RBFOX1: variants seen among roughly 807,000 people sequenced by gnomAD.
The protein encoded by RBFOX1 is RNA binding protein fox-1 homolog 1.
In RBFOX1, 8 loss-of-function variants were observed where a neutral mutation model predicts 57.7. That is an observed-to-expected ratio of 0.14 (90% CI 0.08 to 0.25). RBFOX1 has a LOEUF of 0.25. Ranked by LOEUF, RBFOX1 falls within the 10% of genes least tolerant of loss-of-function variation. The pLI is 1.00. For synonymous variants in RBFOX1, 326 were observed against 222.4 expected, an observed-to-expected ratio of 1.47 and a Z score of -4.15; for missense variants, 611 against 548.5, an observed-to-expected ratio of 1.11 and a Z score of -1.14.
intron 2 of RBFOX1, among the ~76,000 whole-genome samples, chr16:5,528,218 G>A (rs570497135): frequency 6.6e-6 from 1 of 152,268 alleles, no homozygotes; most frequent in African/African-American, 2.4e-5. Context: ...ATGATCCACA[G>A]AGGCATTCCT....
chr16:6,991,123 A>G (rs1467429780), intron 3 of RBFOX1, among the ~76,000 whole-genome samples: 4 of 140,884 alleles, frequency 2.8e-5, no homozygotes, highest in Admixed American at 7.2e-5. Context: ...GCAACGTAAT[A>G]AAATTGTCTC....
At chr16:5,495,287 TTCCTC>T (rs1300147017) in intron 2 of RBFOX1, among the ~76,000 whole-genome samples, 1 of 152,226 alleles carries the variant, frequency 6.6e-6, no homozygotes, top group African/African-American at 2.4e-5. Context: ...ATACCAGTCT[TTCCTC>T]TAGAGTCTGC....
chr16:6,892,780 CTCTCTCTCTCT>C (rs2065807736), intron 3 of RBFOX1, among the ~76,000 whole-genome samples: 1 of 32,002 alleles, frequency 3.1e-5, no homozygotes, highest in East Asian at 8.0e-4. Flanking sequence ...GTCTCCCTCT[CTCTCTCTCTCT>C]CTCTCTCTCT....
chr16:6,727,702 C>G (rs986820761), intron 3 of RBFOX1, among the ~76,000 whole-genome samples: 8 of 152,130 alleles, frequency 5.3e-5, no homozygotes, highest in African/African-American at 1.9e-4. Context: ...CCCTGGTACA[C>G]CTATCAAATG....
At chr16:6,812,056 G>C (rs572010121) in intron 3 of RBFOX1, among the ~76,000 whole-genome samples, 4 of 152,212 alleles carry the variant, frequency 2.6e-5, no homozygotes, top group Admixed American at 2.6e-4. Flanking sequence ...TTGGTTTCAT[G>C]TATCACCATA....
chr16:5,618,733 T>C (rs1161515717), intron 3 of RBFOX1, among the ~76,000 whole-genome samples: 1 of 152,206 alleles, frequency 6.6e-6, no homozygotes, highest in Non-Finnish European at 1.5e-5. Flanking sequence ...AATTCTCATT[T>C]TGGGTCAGGT....
chr16:6,556,370 C>T (rs895923059), intron 2 of RBFOX1, among the ~76,000 whole-genome samples: 10 of 152,280 alleles, frequency 6.6e-5, no homozygotes, highest in Non-Finnish European at 1.3e-4. Flanking sequence ...ACTGTGCCGG[C>T]TCTCCTTTTA....
At chr16:5,384,984 A>G (rs1173527222) in intron 1 of RBFOX1, among the ~76,000 whole-genome samples, 2 of 152,340 alleles carry the variant, frequency 1.3e-5, no homozygotes, top group East Asian at 1.9e-4. Flanking sequence ...GCTTACTGCA[A>G]TCTTTCCCCC....
At chr16:6,753,422 C>G (rs964081995) in intron 3 of RBFOX1, among the ~76,000 whole-genome samples, 4 of 152,158 alleles carry the variant, frequency 2.6e-5, no homozygotes, top group African/African-American at 9.7e-5. Context: ...GCATTAATAT[C>G]TATTCTTTTA....
chr16:7,324,308 C>G (rs955032855), intron 4 of RBFOX1, among the ~76,000 whole-genome samples: 2 of 152,294 alleles, frequency 1.3e-5, no homozygotes, highest in East Asian at 3.9e-4. Context: ...GTACAAAAAT[C>G]CTCATTTACC....
intron 5 of RBFOX1, among the ~76,000 whole-genome samples, chr16:7,566,406 T>C (rs977674199): frequency 1.3e-5 from 2 of 152,256 alleles, no homozygotes; most frequent in East Asian, 1.9e-4. Context: ...CTGCTCTACG[T>C]GCCTGCTCTT....
At chr16:7,233,490 C>T (rs969441784) in intron 4 of RBFOX1, among the ~76,000 whole-genome samples, 2 of 152,098 alleles carry the variant, frequency 1.3e-5, no homozygotes, top group African/African-American at 2.4e-5. Context: ...AGCAGGCCGT[C>T]GATCAGCACT....
intron 4 of RBFOX1, among the ~76,000 whole-genome samples, chr16:7,398,909 C>G (rs528933580): frequency 9.2e-5 from 14 of 152,260 alleles, no homozygotes; most frequent in Admixed American, 1.3e-4. Context: ...GTAACAAATG[C>G]CCACAAACTT....
intron 3 of RBFOX1, among the ~76,000 whole-genome samples, chr16:6,680,904 A>C (rs560114619): frequency 1.8e-4 from 28 of 152,368 alleles, no homozygotes; most frequent in Middle Eastern, 6.8e-3. Context: ...ATCAATATTT[A>C]TACAAAGATT....
chr16:6,154,478 C>T (rs996412483), intron 1 of RBFOX1, among the ~76,000 whole-genome samples: 2 of 152,154 alleles, frequency 1.3e-5, no homozygotes, highest in African/African-American at 2.4e-5. Flanking sequence ...ATCTATTATC[C>T]TACAGGTAGA....
At chr16:7,014,473 C>T (rs563826199) in intron 3 of RBFOX1, among the ~76,000 whole-genome samples, 21 of 151,752 alleles carry the variant, frequency 1.4e-4, no homozygotes, top group Non-Finnish European at 2.6e-4. Flanking sequence ...TCTCGAACTC[C>T]TGACCTCAGG....
At chr16:7,631,122 A>G (rs1486509275) in intron 11 of RBFOX1, among the ~76,000 whole-genome samples, 2 of 152,196 alleles carry the variant, frequency 1.3e-5, no homozygotes, top group Non-Finnish European at 2.9e-5. Context: ...GCAGCTAGTC[A>G]CTTGTTTGCA....
At chr16:7,253,409 A>G (rs1470041350) in intron 4 of RBFOX1, among the ~76,000 whole-genome samples, 2 of 151,990 alleles carry the variant, frequency 1.3e-5, no homozygotes, top group Non-Finnish European at 2.9e-5. Flanking sequence ...CGGCTTGACA[A>G]CCCCTCAACC....
intron 2 of RBFOX1, among the ~76,000 whole-genome samples, chr16:6,550,850 T>G (rs551069725): frequency 2.0e-5 from 3 of 152,358 alleles, no homozygotes; most frequent in African/African-American, 7.2e-5. Flanking sequence ...TGCCTGGCCC[T>G]AAATAGATAT....
Sources: allele counts gnomAD v4.1 joint callset (sites outside exome capture counted in the v4.1 genomes callset), GRCh38; gene constraint gnomAD v4.1.1; transcripts MANE v1.5; gene names NCBI Gene and HGNC (gene_info 2026-07-23, HGNC 2026-07-21).